Variants in KIFC1 observed in about 807,000 individuals in gnomAD.
The protein encoded by KIFC1 is kinesin-like protein KIFC1.
In KIFC1, 37 loss-of-function variants were observed where a neutral mutation model predicts 66.6. That is an observed-to-expected ratio of 0.56 (90% CI 0.43 to 0.73). The LOEUF (loss-of-function observed/expected upper bound fraction) is 0.73. Among genes scored for constraint, KIFC1 ranks in the 30% least tolerant of loss-of-function variants. KIFC1 has a pLI of 0.00. For missense variants in KIFC1, 721 were observed against 859.8 expected (o/e 0.84, Z 2.02); for synonymous variants, 325 against 343.5 (o/e 0.95, Z 0.60).
In KIFC1 at chr6:33,401,431, G is replaced by A. The variant is rs6900438; in HGVS notation, c.251-1883G>A. Among the ~76,000 whole-genome samples, 6,633 of 152,050 alleles carry A rather than the reference G, an allele frequency of 0.044. 338 individuals carry two copies. The highest frequency in any genetic ancestry group is 0.13 in the African/African-American group (5,202 of 41,446). On this transcript the variant is annotated intron_variant, in intron 3 of 10. Coordinates refer to ENST00000428849, the MANE Select transcript of KIFC1 (RefSeq NM_002263.4). This position sits in a 1 kb window ranked among gnomAD's most constrained non-coding sequence, Gnocchi z 4.5. The stretch of plus-strand genomic sequence containing the variant: ...TTACAGACATGAGTTACTGCGCCCC[G>A]CCTGAAATTCTTTTTTTAATTTAAA...
At chr6:33,402,723 T>A (rs1407647577) in intron 3 of KIFC1, among the ~76,000 whole-genome samples, 13 of 138,646 alleles carry the variant, frequency 9.4e-5, no homozygotes, top group Admixed American at 2.3e-4. Flanking sequence ...AGAGTGCAAC[T>A]CCATCTCAAA....
At chr6:33,408,995 C>T (rs552146910) in intron 10 of KIFC1, among the ~76,000 whole-genome samples, 7 of 152,222 alleles carry the variant, frequency 4.6e-5, no homozygotes, top group Admixed American at 6.5e-5. Context: ...GGTGAAACCC[C>T]GTCTCTACTA....
chr6:33,406,660 T>A lies in KIFC1; in HGVS notation c.1896T>A (p.Ala632=). 3.1e-6 allele frequency: 5 copies of A among 1,613,984 alleles called. No individual in the cohort carries two copies. Among genetic ancestry groups the A allele is most frequent in the Non-Finnish European group, 4.2e-6 (5 of 1,179,992 alleles). ...TGCAGAACTCTCTGGGTGGTAGTGC[T>A]AAGATGTGAGTGAAAGGGACAGATG... ...YLLQNSLGGS[A]KMLMFVNISP... The change falls in exon 9 of 11, where the codon GCT becomes GCA. Residue 632 remains alanine, a synonymous_variant. Coordinates refer to ENST00000428849, the MANE Select transcript of KIFC1 (RefSeq NM_002263.4). This position sits in a 1 kb window ranked among gnomAD's most constrained non-coding sequence, Gnocchi z 4.5.
Position 33,405,259 on chromosome 6 carries a change from T to G in KIFC1, c.1164T>G (p.Phe388Leu). 1.2e-6 allele frequency: 2 copies of G among 1,614,214 alleles called. No homozygotes were observed. Among genetic ancestry groups the G allele is most frequent in the Non-Finnish European group, 1.7e-6 (2 of 1,180,038 alleles). ...FPPGSGQDEV[F>L]EEIAMLVQSA... ...CAGGAAGTGGACAGGATGAAGTGTTTGAAGAGATTGCCATGCTTGTCCAGT... is the reference window on the plus strand; with the variant it reads ...CAGGAAGTGGACAGGATGAAGTGTTGGAAGAGATTGCCATGCTTGTCCAGT... Residue 388 changes from phenylalanine to leucine, a missense_variant, in exon 7 of 11, where the codon TTT becomes TTG. Physicochemically the swap from Phe to Leu is conservative, Grantham distance 22. Transcript: ENST00000428849. The surrounding 1 kb of genome is among the most constrained non-coding windows in gnomAD (Gnocchi z 5.4).
At chr6:33,394,613 C>G (rs1311968189) in intron 1 of KIFC1, among the ~76,000 whole-genome samples, 2 of 152,160 alleles carry the variant, frequency 1.3e-5, no homozygotes, top group East Asian at 3.8e-4. Flanking sequence ...TCCCGAGTAG[C>G]TGGGATTACA....
At chr6:33,409,021 C>G (rs1775777886) in intron 10 of KIFC1, among the ~76,000 whole-genome samples, 2 of 152,066 alleles carry the variant, frequency 1.3e-5, no homozygotes, top group Admixed American at 1.3e-4. Context: ...ACAAAAAATT[C>G]ACCGGGCGTG....
At position 33,400,700 on chromosome 6, in the gene KIFC1, G is replaced by C. The variant is rs1431969914; in HGVS notation, c.250+2313G>C. ...CTCGCTCTGTCGCCCAGGCTGGAGT[G>C]CAGTGGCACAATCTCGGCTCACTGC... On this transcript the variant is annotated intron_variant, in intron 3 of 10. Coordinates refer to ENST00000428849, the MANE Select transcript of KIFC1 (RefSeq NM_002263.4). This position sits in a 1 kb window ranked among gnomAD's most constrained non-coding sequence, Gnocchi z 4.3. 1 of 575,756 alleles carries C rather than the reference G, an allele frequency of 1.7e-6. No homozygotes were observed. Among genetic ancestry groups the C allele is most frequent in the Non-Finnish European group, 3.1e-6 (1 of 322,500 alleles). 35.7% of individuals were successfully genotyped at this position (575,756 alleles called of 1,614,324 possible). A position where few individuals can be genotyped will look rare whatever the true frequency, so the allele number is the denominator to read the frequency against.
rs1775599485 is a variant in KIFC1 at position 33,405,484 on chromosome 6, G to A, written c.1389G>A (p.Glu463=). 3.1e-6 allele frequency: 5 copies of A among 1,612,786 alleles called. No individual in the cohort carries two copies. In the South Asian group the frequency reaches 4.4e-5, roughly 14 times the overall value. The change falls in exon 7 of 11, where the codon GAG becomes GAA. Residue 463 remains glutamate (E), a synonymous_variant. Coordinates refer to ENST00000428849, the MANE Select transcript of KIFC1 (RefSeq NM_002263.4). The surrounding 1 kb of genome is among the most constrained non-coding windows in gnomAD (Gnocchi z 5.4). ...WTYSFVASYV[E]IYNETVRDLL... is the part of the protein sequence containing the mutation. ...ACAGCTTTGTAGCAAGCTACGTAGA[G>A]ATCTACAATGAGACTGTCCGGGACC...
chr6:33,405,229 C>G lies in KIFC1; in HGVS notation c.1134C>G (p.Phe378Leu), dbSNP rs777141893. The G allele has an allele frequency of 3.5e-5, 56 of 1,614,076 alleles. No homozygotes were observed. The highest frequency in any genetic ancestry group is 4.5e-5 in the Non-Finnish European group (53 of 1,180,048). ...TRHDFSFDRV[F>L]PPGSGQDEVF... Reference sequence around the variant, plus strand: ...ATGATTTTTCCTTTGACCGGGTATTCCCACCAGGAAGTGGACAGGATGAAG... The same window carrying G: ...ATGATTTTTCCTTTGACCGGGTATTGCCACCAGGAAGTGGACAGGATGAAG... The change falls in exon 7 of 11, where the codon TTC becomes TTG. Residue 378 changes from phenylalanine to leucine, a missense_variant. By Grantham distance (22) the Phe-to-Leu change is conservative (BLOSUM62 0). Transcript: ENST00000428849. The surrounding 1 kb of genome is among the most constrained non-coding windows in gnomAD (Gnocchi z 5.4).
Position 33,404,998 on chromosome 6 carries a change from C to T in KIFC1, c.903C>T (p.His301=). The T allele has an allele frequency of 6.2e-7, 1 of 1,614,160 alleles. No homozygotes were observed. Among genetic ancestry groups the T allele is most frequent in the African/African-American group, 1.3e-5 (1 of 75,022 alleles). ...HGLEMERRRL[H]NQLQELKGNI... ...TAGAAATGGAGCGCCGGCGACTGCA[C>T]AACCAGCTGCAGGAACTCAAGGGCA... The change falls in exon 7 of 11, where the codon CAC becomes CAT. Residue 301 remains histidine, a synonymous_variant. Coordinates refer to ENST00000428849, the MANE Select transcript of KIFC1 (RefSeq NM_002263.4). This position sits in a 1 kb window ranked among gnomAD's most constrained non-coding sequence, Gnocchi z 4.0.
rs146314962 is a variant in KIFC1, at chr6:33,403,834, G to A, written c.461G>A (p.Arg154His). 9 of 1,614,122 alleles carry A rather than the reference G, an allele frequency of 5.6e-6. No individual in the cohort carries two copies. Among genetic ancestry groups the A allele is most frequent in the East Asian group, 2.2e-5 (1 of 44,902 alleles). ...CTAAATGCAGAACTAAAACGGTGCCGTGAGAGGACTCAAACGTTGGACCAA... is the reference window on the plus strand; with the variant it reads ...CTAAATGCAGAACTAAAACGGTGCCATGAGAGGACTCAAACGTTGGACCAA... ...CDLNAELKRC[R>H]ERTQTLDQEN... The change falls in exon 6 of 11, where the codon CGT becomes CAT. Residue 154 changes from arginine (R) to histidine (H), a missense_variant. By Grantham distance (29) the Arg-to-His change is conservative. Coordinates refer to ENST00000428849, the MANE Select transcript of KIFC1 (RefSeq NM_002263.4). The surrounding 1 kb of genome is among the most constrained non-coding windows in gnomAD (Gnocchi z 4.6).
chr6:33,408,295 A>G (rs1775748246), intron 10 of KIFC1, among the ~76,000 whole-genome samples: 1 of 152,172 alleles, frequency 6.6e-6, no homozygotes, highest in South Asian at 2.1e-4. Flanking sequence ...CGTTTGTTGA[A>G]GGTCATTTGT....
chr6:33,406,176 C>T lies in KIFC1; in HGVS notation c.1537-20C>T. The T allele has an allele frequency of 6.4e-7, 1 of 1,573,626 alleles. No homozygotes were observed. Among genetic ancestry groups the T allele is most frequent in the Non-Finnish European group, 8.6e-7 (1 of 1,158,054 alleles). On this transcript the variant is annotated intron_variant, in intron 7 of 10. Coordinates refer to ENST00000428849, the MANE Select transcript of KIFC1 (RefSeq NM_002263.4). This position sits in a 1 kb window ranked among gnomAD's most constrained non-coding sequence, Gnocchi z 4.5. Reference sequence around the variant, plus strand: ...ACTGACTTCTGCCTGCCTTTTTGCCCCTTCTGCTCCCATCCCCAGGTGGAC... The same window carrying T: ...ACTGACTTCTGCCTGCCTTTTTGCCTCTTCTGCTCCCATCCCCAGGTGGAC...
chr6:33,403,638 G>A lies in KIFC1; in HGVS notation c.356-91G>A, dbSNP rs1775487864. ...TGGTCTCTAAGGGGAAGGAGATGTA[G>A]CATCAGGTGTGGATCCCATAAAGGC... On this transcript the variant is annotated intron_variant, in intron 5 of 10. Transcript: ENST00000428849. This position sits in a 1 kb window ranked among gnomAD's most constrained non-coding sequence, Gnocchi z 4.6. 2.5e-6 allele frequency: 4 copies of A among 1,572,802 alleles called. No individual in the cohort carries two copies. Among genetic ancestry groups the A allele is most frequent in the African/African-American group, 1.4e-5 (1 of 74,002 alleles).
chr6:33,408,418 C>T (rs1229754951), intron 10 of KIFC1, among the ~76,000 whole-genome samples: 2 of 152,186 alleles, frequency 1.3e-5, no homozygotes, highest in African/African-American at 4.8e-5. Context: ...TTACAAGCTC[C>T]TTATTGACTT....
In KIFC1 at chr6:33,403,647, G is replaced by A. The variant is rs1242340805; in HGVS notation, c.356-82G>A. ...AGGGGAAGGAGATGTAGCATCAGGT[G>A]TGGATCCCATAAAGGCTAGAAGGGA... On this transcript the variant is annotated intron_variant, in intron 5 of 10. Transcript: ENST00000428849. This position sits in a 1 kb window ranked among gnomAD's most constrained non-coding sequence, Gnocchi z 4.6. 19 of 1,578,504 alleles carry A rather than the reference G, an allele frequency of 1.2e-5. No homozygotes were observed. The highest frequency in any genetic ancestry group is 1.7e-5 in the Non-Finnish European group (19 of 1,149,054).
At position 33,405,397 on chromosome 6, in the gene KIFC1, C is replaced by T. The variant is rs751031255; in HGVS notation, c.1302C>T (p.Ile434=). The T allele has an allele frequency of 6.2e-7, 1 of 1,605,942 alleles. No individual in the cohort carries two copies. The highest frequency in any genetic ancestry group is 8.5e-7 in the Non-Finnish European group (1 of 1,174,676). Residue 434 remains isoleucine (I), a synonymous_variant, in exon 7 of 11, where the codon ATC becomes ATT. Coordinates refer to ENST00000428849, the MANE Select transcript of KIFC1 (RefSeq NM_002263.4). The surrounding 1 kb of genome is among the most constrained non-coding windows in gnomAD (Gnocchi z 5.4). ...PGGDPQLEGL[I]PRALRHLFSV... ...GAGACCCCCAGTTGGAGGGGCTGAT[C>T]CCTCGGGCCCTGCGGCACCTCTTCT...
intron 1 of KIFC1, among the ~76,000 whole-genome samples, chr6:33,396,191 G>A (rs977441082): frequency 6.6e-6 from 1 of 152,054 alleles, no homozygotes; most frequent in African/African-American, 2.4e-5. Context: ...ACTGTATCAC[G>A]GGTAGCTCAA....
At chr6:33,392,823 C>T (rs1471314797) in intron 1 of KIFC1, among the ~76,000 whole-genome samples, 1 of 152,146 alleles carries the variant, frequency 6.6e-6, no homozygotes, top group East Asian at 1.9e-4. Context: ...GTAGTAAAAG[C>T]CTTCTCAGAT....
Sources: allele counts gnomAD v4.1 joint callset (sites outside exome capture counted in the v4.1 genomes callset), GRCh38; gene constraint gnomAD v4.1.1; non-coding constraint Gnocchi (gnomAD v3.1); transcripts MANE v1.5; gene names NCBI Gene and HGNC (gene_info 2026-07-23, HGNC 2026-07-21).